The following KIF20B variants were observed in gnomAD, a reference collection of about 807,000 sequenced individuals.
The protein encoded by KIF20B is kinesin-like protein KIF20B.
In KIF20B, 188 loss-of-function variants were observed where a neutral mutation model predicts 232.5. The observed-to-expected ratio is 0.81, with a 90% CI of 0.72 to 0.91. KIF20B has a LOEUF of 0.91. KIF20B is among the 40% of genes least tolerant of loss of function. The probability of loss-of-function intolerance (pLI) is 0.00; values close to 1 mark genes in which losing one functional copy is unlikely to be tolerated. For synonymous variants in KIF20B, 712 were observed against 683.0 expected, an observed-to-expected ratio of 1.04 and a Z score of -0.66; for missense variants, 2,154 against 2,055.9, an observed-to-expected ratio of 1.05 and a Z score of -0.92.
chr10:89,719,611 G>A lies in KIF20B; in HGVS notation c.1627G>A (p.Glu543Lys). The A allele has an allele frequency of 6.2e-7, 1 of 1,613,252 alleles. No homozygotes were observed. ...TTTGGTTGAGGAGCTAGAAAACGCTGAAGAAACTCAAAATGTGGAAACTAA... is the reference window on the plus strand; with the variant it reads ...TTTGGTTGAGGAGCTAGAAAACGCTAAAGAAACTCAAAATGTGGAAACTAA... ...EDLVEELENA[E>K]ETQNVETKLL... The change falls in exon 13 of 33, where the codon GAA (glutamate) becomes AAA (lysine). Residue 543 changes from glutamate to lysine, a missense_variant. Transcript: ENST00000371728.
chr10:89,704,793 G>A (rs1022448463), intron 1 of KIF20B, among the ~76,000 whole-genome samples: 1 of 152,128 alleles, frequency 6.6e-6, no homozygotes, highest in Non-Finnish European at 1.5e-5. Flanking sequence ...TCCTGGCCTC[G>A]TGATCGACCC....
At chr10:89,724,137 G>T in intron 14 of KIF20B, 34 bp downstream of exon 14, 1 of 1,428,272 alleles carries the variant, frequency 7.0e-7, no homozygotes, top group Non-Finnish European at 9.2e-7. Context: ...GGTAAAAATT[G>T]AGAATTTTAT....
At chr10:89,770,500 A>T (rs920026458) in intron 31 of KIF20B, among the ~76,000 whole-genome samples, 5 of 151,998 alleles carry the variant, frequency 3.3e-5, no homozygotes, top group Non-Finnish European at 5.9e-5. Context: ...TTTCAAGGAG[A>T]GGTAGGTACC....
At chr10:89,701,850 T>C (rs1424871118) in intron 1 of KIF20B, 170 bp downstream of exon 1, 1 of 151,958 alleles carries the variant, frequency 6.6e-6, no homozygotes, top group East Asian at 1.9e-4. Flanking sequence ...GAACACGGGG[T>C]ACGCAGCGAG....
chr10:89,751,648 A>G (rs1842024835), intron 24 of KIF20B, among the ~76,000 whole-genome samples, 177 bp downstream of exon 24: 1 of 143,966 alleles, frequency 6.9e-6, no homozygotes, highest in South Asian at 2.4e-4. Context: ...AAATTGTTTC[A>G]CTAAAATTAT....
chr10:89,719,385 T>C (rs1464539274), intron 12 of KIF20B, 34 bp from the exon 13 acceptor site: 4 of 1,445,180 alleles, frequency 2.8e-6, no homozygotes, highest in Non-Finnish European at 3.7e-6. Context: ...TCTTGTCTTT[T>C]CTGTTTTAAA....
intron 29 of KIF20B, among the ~76,000 whole-genome samples, 182 bp downstream of exon 29, chr10:89,763,017 C>T (rs770362614): frequency 1.1e-4 from 16 of 152,124 alleles, no homozygotes; most frequent in Non-Finnish European, 1.8e-4. Flanking sequence ...CGTGGTGACT[C>T]ATGCCTGTAA....
chr10:89,741,031 A>C (rs1369159060), intron 21 of KIF20B, among the ~76,000 whole-genome samples: 4 of 152,208 alleles, frequency 2.6e-5, no homozygotes, highest in Non-Finnish European at 4.4e-5. Context: ...TATTATTATT[A>C]CATTGTAATA....
chr10:89,747,812 A>C (rs985366142), intron 23 of KIF20B, among the ~76,000 whole-genome samples: 5 of 152,022 alleles, frequency 3.3e-5, no homozygotes, highest in Non-Finnish European at 7.4e-5. Flanking sequence ...GGTGCAGCGC[A>C]CCAGCATGTC....
At chr10:89,721,892 T>C (rs1458215306) in intron 13 of KIF20B, among the ~76,000 whole-genome samples, 1 of 152,140 alleles carries the variant, frequency 6.6e-6, no homozygotes, top group East Asian at 1.9e-4. Flanking sequence ...TAAAAATCAA[T>C]ATGATTAGGT....
At chr10:89,762,124 TA>T (rs2133167200) in intron 28 of KIF20B, among the ~76,000 whole-genome samples, 1 of 152,222 alleles carries the variant, frequency 6.6e-6, no homozygotes, top group East Asian at 1.9e-4. Flanking sequence ...GAAAGTGTTC[TA>T]AGAGGACAGG....
chr10:89,718,378 G>A (rs1842979178), intron 11 of KIF20B, among the ~76,000 whole-genome samples: 1 of 152,078 alleles, frequency 6.6e-6, no homozygotes, highest in Admixed American at 6.6e-5. Flanking sequence ...AGGTGTGGTG[G>A]CAGGCACCTG....
chr10:89,753,415 T>C (rs1037327706), intron 25 of KIF20B, among the ~76,000 whole-genome samples: 24 of 152,202 alleles, frequency 1.6e-4, no homozygotes, highest in Non-Finnish European at 8.8e-5. Context: ...TTCTAGAATT[T>C]ACCCTTTTCA....
At chr10:89,731,103 C>T (rs1417375583) in intron 18 of KIF20B, among the ~76,000 whole-genome samples, 1 of 152,124 alleles carries the variant, frequency 6.6e-6, no homozygotes, top group Non-Finnish European at 1.5e-5. Flanking sequence ...GGTTAGTCAT[C>T]ACATGCTTTT....
chr10:89,745,314 GGAGATC>G (rs1400609082), intron 22 of KIF20B, among the ~76,000 whole-genome samples: 15 of 152,146 alleles, frequency 9.9e-5, no homozygotes, highest in Admixed American at 9.8e-4. Flanking sequence ...CACAAGGTCA[GGAGATC>G]GAGACTAGCC....
intron 21 of KIF20B, among the ~76,000 whole-genome samples, chr10:89,742,275 T>C (rs11185866): frequency 0.34 from 52,295 of 152,024 alleles, 10,862 homozygotes; most frequent in East Asian, 0.57. Flanking sequence ...CGATTGATGG[T>C]GTCTGGGTTC....
chr10:89,705,976 C>A (rs949551941), intron 2 of KIF20B, among the ~76,000 whole-genome samples: 6 of 152,106 alleles, frequency 3.9e-5, no homozygotes, highest in Non-Finnish European at 8.8e-5. Context: ...AATAATGCTG[C>A]TTTGAACATT....
In KIF20B at chr10:89,737,754, T is replaced by C. The variant is rs367714290; in HGVS notation, c.2913T>C (p.Ala971=). ...AATTGTCAAATGAGATAGAAACTGC[T>C]ACAAGAAGCATTACAAATAATGTTT... ...IMKLSNEIET[A]TRSITNNVSQ... is the part of the protein sequence containing the mutation. Residue 971 remains alanine, a synonymous_variant, in exon 20 of 33, where the codon GCT becomes GCC. Coordinates refer to ENST00000371728, the MANE Select transcript of KIF20B (RefSeq NM_001284259.2). 6.2e-7 allele frequency: 1 copy of C among 1,612,074 alleles called. No individual in the cohort carries two copies. The highest frequency in any genetic ancestry group is 1.1e-5 in the South Asian group (1 of 90,840).
At chr10:89,719,918 G>GT (rs1167083111) in intron 13 of KIF20B, among the ~76,000 whole-genome samples, 5 of 152,026 alleles carry the variant, frequency 3.3e-5, no homozygotes, top group Non-Finnish European at 7.4e-5. Flanking sequence ...CATTTTATGA[G>GT]TATGTGAATA....
Sources: allele counts gnomAD v4.1 joint callset (sites outside exome capture counted in the v4.1 genomes callset), GRCh38; gene constraint gnomAD v4.1.1; transcripts MANE v1.5; gene names NCBI Gene and HGNC (gene_info 2026-07-23, HGNC 2026-07-21).